MACROD2: variants seen among roughly 807,000 people sequenced by gnomAD.
The protein encoded by MACROD2 is ADP-ribose glycohydrolase MACROD2.
MACROD2 carries 36 observed loss-of-function variants against 70.4 expected under a neutral mutation model. The observed-to-expected ratio is 0.51, with a 90% confidence interval of 0.39 to 0.68. The LOEUF is 0.68. Among genes scored for constraint, MACROD2 ranks in the 30% least tolerant of loss-of-function variants. The probability of loss-of-function intolerance (pLI) is 0.00; values close to 1 mark genes in which losing one functional copy is unlikely to be tolerated. For synonymous variants in MACROD2, 172 were observed against 178.8 expected (o/e 0.96, Z 0.30); for missense variants, 496 against 538.4 (o/e 0.92, Z 0.78).
intron 4 of MACROD2, among the ~76,000 whole-genome samples, chr20:14,566,168 G>A (rs1054037457): frequency 6.6e-6 from 1 of 151,846 alleles, no homozygotes; most frequent in Admixed American, 6.6e-5. Context: ...CCTACAAAAG[G>A]AAAATAAAAA....
chr20:14,250,866 C>G (rs2082006814), intron 3 of MACROD2, among the ~76,000 whole-genome samples: 1 of 151,966 alleles, frequency 6.6e-6, no homozygotes, highest in Non-Finnish European at 1.5e-5. Flanking sequence ...ATGAAGTGAT[C>G]TTACCTTATT....
At position 15,322,845 on chromosome 20, in the gene MACROD2, G is replaced by A. The variant is rs1037058466; in HGVS notation, c.540+92784G>A. The stretch of plus-strand genomic sequence containing the variant: ...AAAAAAGTCTGCCTATTAGAAATGT[G>A]ACCTTGGAATCCATGAATCCATGAA... On this transcript the variant is annotated intron_variant, in intron 6 of 17. Transcript: ENST00000684519. Among the ~76,000 whole-genome samples the A allele has an allele frequency of 5.6e-5, 8 of 143,688 alleles. 1 individual carries two copies. Among genetic ancestry groups the A allele is most frequent in the Non-Finnish European group, 1.3e-4 (8 of 63,572 alleles). The allele number at this position is 143,688 out of a possible 152,430, so 94.3% of individuals were successfully genotyped here. A position where few individuals can be genotyped will look rare whatever the true frequency, so the allele number is the denominator to read the frequency against.
intron 5 of MACROD2, among the ~76,000 whole-genome samples, chr20:15,042,992 C>G (rs2075366990): frequency 6.6e-6 from 1 of 152,152 alleles, no homozygotes; most frequent in Non-Finnish European, 1.5e-5. Flanking sequence ...TATCAACATT[C>G]CTGGAAGTTT....
Position 14,843,081 on chromosome 20 carries a change from C to T in MACROD2, c.418+158122C>T, listed in dbSNP as rs577193530. On this transcript the variant is annotated intron_variant, in intron 5 of 17. Transcript: ENST00000684519. ...TCTCCAGCTTCTGGTCTGCTAGCTC[C>T]CCTTCTACCATCCCCAACTCTTATT... is the stretch of plus-strand genomic sequence containing the variant. Among the ~76,000 whole-genome samples the T allele has an allele frequency of 7.2e-5, 11 of 152,072 alleles. No homozygotes were observed. The East Asian group carries it at 2.1e-3, about 29-fold the overall frequency.
intron 3 of MACROD2, among the ~76,000 whole-genome samples, chr20:14,423,307 T>C (rs988973379): frequency 1.3e-5 from 2 of 152,072 alleles, no homozygotes; most frequent in African/African-American, 4.8e-5. Flanking sequence ...CTGTAAACTT[T>C]TGAGTTTTTT....
chr20:14,365,726 T>C (rs2083265785), intron 3 of MACROD2, among the ~76,000 whole-genome samples: 1 of 152,160 alleles, frequency 6.6e-6, no homozygotes, highest in Non-Finnish European at 1.5e-5. Context: ...GATCATTCTT[T>C]TTTATAATAC....
At chr20:14,348,606 T>C (rs897619506) in intron 3 of MACROD2, among the ~76,000 whole-genome samples, 10 of 152,184 alleles carry the variant, frequency 6.6e-5, no homozygotes, top group Admixed American at 1.3e-4. Context: ...AATTGTCCTG[T>C]TATCTCAAGG....
chr20:15,045,361 C>T (rs1355149008), intron 5 of MACROD2, among the ~76,000 whole-genome samples: 2 of 152,102 alleles, frequency 1.3e-5, no homozygotes, highest in African/African-American at 2.4e-5. Flanking sequence ...AGTGTTCTGA[C>T]CTTGTCTGTG....
At chr20:14,153,509 A>AT (rs1237668926) in intron 3 of MACROD2, among the ~76,000 whole-genome samples, 1 of 152,122 alleles carries the variant, frequency 6.6e-6, no homozygotes, top group African/African-American at 2.4e-5. Flanking sequence ...GCATATTAAG[A>AT]TTTTTTTCAG....
chr20:15,599,176 C>T (rs1022712816), intron 8 of MACROD2, among the ~76,000 whole-genome samples: 16 of 151,206 alleles, frequency 1.1e-4, no homozygotes, highest in Admixed American at 2.0e-4. Context: ...GTCAGGAGAT[C>T]GAGACCATCC....
intron 5 of MACROD2, among the ~76,000 whole-genome samples, chr20:15,090,596 G>A (rs757554717): frequency 9.2e-5 from 14 of 152,142 alleles, no homozygotes; most frequent in Admixed American, 2.0e-4. Context: ...AAGAAGAGAG[G>A]TAGAATTATA....
intron 5 of MACROD2, among the ~76,000 whole-genome samples, chr20:14,949,345 A>T (rs560055759): frequency 1.3e-5 from 2 of 152,302 alleles, no homozygotes; most frequent in South Asian, 4.1e-4. Context: ...TTCATCTTTA[A>T]AATAAGTGTG....
intron 5 of MACROD2, among the ~76,000 whole-genome samples, chr20:14,964,155 T>C (rs1724425693): frequency 6.6e-6 from 1 of 152,138 alleles, no homozygotes; most frequent in South Asian, 2.1e-4. Flanking sequence ...ATAAATGGTA[T>C]GGTGCATTTG....
intron 3 of MACROD2, among the ~76,000 whole-genome samples, chr20:14,320,663 ATTTTTT>A (rs11087086): frequency 7.0e-4 from 86 of 123,676 alleles, no homozygotes; most frequent in South Asian, 3.7e-3. Context: ...CACCTTTGGA[ATTTTTT>A]TTTTTTTTTT....
At chr20:14,680,543 C>T (rs571507909) in intron 4 of MACROD2, among the ~76,000 whole-genome samples, 17 of 152,212 alleles carry the variant, frequency 1.1e-4, no homozygotes, top group Admixed American at 7.8e-4. Context: ...CCTGCTAGAA[C>T]AAACTTCTAA....
intron 3 of MACROD2, among the ~76,000 whole-genome samples, chr20:14,397,081 G>A (rs544912942): frequency 1.4e-5 from 2 of 139,216 alleles, no homozygotes; most frequent in East Asian, 2.3e-4. Context: ...TGCAAGCTCC[G>A]CCTTCTGGGT....
chr20:15,255,647 G>A (rs1221883182), intron 6 of MACROD2, among the ~76,000 whole-genome samples: 2 of 152,144 alleles, frequency 1.3e-5, no homozygotes, highest in South Asian at 2.1e-4. Context: ...TGATGATCAA[G>A]TCATTGGTAG....
intron 4 of MACROD2, among the ~76,000 whole-genome samples, chr20:14,513,896 TAAAAAC>T (rs1227883371): frequency 3.3e-5 from 5 of 152,040 alleles, no homozygotes; most frequent in Admixed American, 2.6e-4. Flanking sequence ...CCCCTTTTCT[TAAAAAC>T]AAAAACAAAA....
At chr20:14,802,448 A>G (rs1346177679) in intron 5 of MACROD2, among the ~76,000 whole-genome samples, 3 of 152,066 alleles carry the variant, frequency 2.0e-5, no homozygotes, top group Non-Finnish European at 4.4e-5. Flanking sequence ...AAGGAAGTTC[A>G]GAAGCATTAA....
Sources: allele counts gnomAD v4.1 joint callset (sites outside exome capture counted in the v4.1 genomes callset), GRCh38; gene constraint gnomAD v4.1.1; transcripts MANE v1.5; gene names NCBI Gene and HGNC (gene_info 2026-07-23, HGNC 2026-07-21).